REC114: variants seen among roughly 807,000 people sequenced by gnomAD.
REC114 encodes the protein meiotic recombination protein REC114.
A neutral mutation model predicts 31.3 loss-of-function variants in REC114; 27 were observed. That is an observed-to-expected ratio of 0.86 (90% CI 0.64 to 1.19). The LOEUF (loss-of-function observed/expected upper bound fraction) is 1.19, where lower values mean the gene tolerates loss of function less well. REC114 is among the 50% of genes most tolerant of loss of function. The pLI, the probability that REC114 is intolerant of heterozygous loss-of-function variation, is 0.00. For synonymous variants in REC114, 134 were observed against 127.7 expected (o/e 1.05, Z -0.33); for missense variants, 344 against 326.9 (o/e 1.05, Z -0.40).
At position 73,453,397 on chromosome 15, in the gene REC114, T is replaced by C. The variant is rs190278883; in HGVS notation, c.159+10053T>C. Among the ~76,000 whole-genome samples, 5 of 152,284 alleles carry C rather than the reference T, an allele frequency of 3.3e-5. No homozygotes were observed. The East Asian group carries it at 9.7e-4, about 29-fold the overall frequency. On this transcript the variant is annotated intron_variant, in intron 1 of 5. Coordinates refer to ENST00000331090, the MANE Select transcript of REC114 (RefSeq NM_001042367.2). ...TCGTCATCACTGGTCATTAGAGCAA[T>C]GCAAATGAAAACCACAATGAGATAC...
intron 1 of REC114, among the ~76,000 whole-genome samples, chr15:73,444,369 CA>C (rs1335743122): frequency 6.6e-6 from 1 of 152,218 alleles, no homozygotes. Flanking sequence ...GCTGCTTTAT[CA>C]ACTAAGTTTA....
chr15:73,476,215 A>G (rs1893212618), intron 2 of REC114, among the ~76,000 whole-genome samples: 2 of 152,196 alleles, frequency 1.3e-5, no homozygotes, highest in Non-Finnish European at 2.9e-5. Flanking sequence ...AATTTGTTTA[A>G]TCTTTTTTAA....
intron 2 of REC114, among the ~76,000 whole-genome samples, 189 bp from the exon 3 acceptor site, chr15:73,540,296 G>T (rs1894220591): frequency 6.6e-6 from 1 of 152,154 alleles, no homozygotes; most frequent in Non-Finnish European, 1.5e-5. Flanking sequence ...CCTCATGCAG[G>T]AAAAGCACCA....
At chr15:73,445,403 A>G (rs940869986) in intron 1 of REC114, among the ~76,000 whole-genome samples, 5 of 152,232 alleles carry the variant, frequency 3.3e-5, no homozygotes, top group African/African-American at 1.2e-4. Context: ...TTCAGCAATA[A>G]GGCTATTCCA....
intron 1 of REC114, among the ~76,000 whole-genome samples, chr15:73,449,318 T>C (rs1394875409): frequency 6.6e-6 from 1 of 152,054 alleles, no homozygotes; most frequent in Non-Finnish European, 1.5e-5. Flanking sequence ...CTGATGGAGC[T>C]GAAAAACACA....
chr15:73,536,897 C>T (rs1894163438), intron 2 of REC114, among the ~76,000 whole-genome samples: 2 of 152,086 alleles, frequency 1.3e-5, no homozygotes, highest in Admixed American at 6.6e-5. Flanking sequence ...ATTTTAGATT[C>T]AGGGGTACAT....
chr15:73,530,390 G>A (rs1488690465), intron 2 of REC114, among the ~76,000 whole-genome samples: 1 of 152,170 alleles, frequency 6.6e-6, no homozygotes, highest in Non-Finnish European at 1.5e-5. Flanking sequence ...GCCTGGGTGT[G>A]GTGGCTTATG....
At chr15:73,514,399 G>A (rs951201811) in intron 2 of REC114, among the ~76,000 whole-genome samples, 2 of 151,822 alleles carry the variant, frequency 1.3e-5, no homozygotes, top group Non-Finnish European at 2.9e-5. Context: ...GAAATCACCC[G>A]TCTTCTGCGT....
intron 4 of REC114, among the ~76,000 whole-genome samples, chr15:73,556,080 A>G (rs1354701323): frequency 6.6e-6 from 1 of 152,198 alleles, no homozygotes; most frequent in Admixed American, 6.5e-5. Context: ...AGGAACATCA[A>G]ATAGAGGTCA....
intron 2 of REC114, among the ~76,000 whole-genome samples, chr15:73,526,118 CAT>C (rs893944785): frequency 2.0e-5 from 3 of 152,156 alleles, no homozygotes; most frequent in Non-Finnish European, 4.4e-5. Context: ...TGACCTGACA[CAT>C]GTTTGTCTGA....
In REC114 at chr15:73,462,884, C is replaced by CAAAAAAAAA. The variant is rs769569268; in HGVS notation, c.160-10933_160-10925dup. Among the ~76,000 whole-genome samples the CAAAAAAAAA allele has an allele frequency of 4.0e-3, 220 of 55,646 alleles. 14 individuals are homozygous for CAAAAAAAAA. Among genetic ancestry groups the CAAAAAAAAA allele is most frequent in the African/African-American group, 0.015 (211 of 14,180 alleles). 36.5% of individuals were successfully genotyped at this position (55,646 alleles called of 152,430 possible). ...TGGGCAACAGAGTGAGACTCCGTCT[C>CAAAAAAAAA]AAAAAAAAAAAAAAAAAAAAAAATT... is the stretch of plus-strand genomic sequence containing the variant. On this transcript the variant is annotated intron_variant, in intron 1 of 5. Transcript: ENST00000331090.
At chr15:73,502,807 T>G (rs567082948) in intron 2 of REC114, among the ~76,000 whole-genome samples, 407 of 152,326 alleles carry the variant, frequency 2.7e-3, no homozygotes, top group Non-Finnish European at 4.2e-3. Context: ...AAATTTTATG[T>G]TGATTTTATG....
rs559280405 is a variant in REC114 at position 73,523,813 on chromosome 15, A to G, written c.250-16672A>G. Among the ~76,000 whole-genome samples, 32 of 152,296 alleles carry G rather than the reference A, an allele frequency of 2.1e-4. 1 individual carries two copies. Among genetic ancestry groups the G allele is most frequent in the South Asian group, 1.0e-3 (5 of 4,824 alleles). ...CTATGTTTTATTTTAGAAATTTTAT[A>G]GTTTCAGCTAGTACATTTAGGTCTA... On this transcript the variant is annotated intron_variant, in intron 2 of 5. Transcript: ENST00000331090.
At chr15:73,514,429 A>G (rs899546911) in intron 2 of REC114, among the ~76,000 whole-genome samples, 1 of 152,088 alleles carries the variant, frequency 6.6e-6, no homozygotes, top group East Asian at 1.9e-4. Flanking sequence ...TGGGAGCTGT[A>G]GACCGGAGCT....
chr15:73,472,806 T>C (rs1208563578), intron 1 of REC114, among the ~76,000 whole-genome samples: 1 of 152,108 alleles, frequency 6.6e-6, no homozygotes, highest in Non-Finnish European at 1.5e-5. Context: ...AGATAAAATA[T>C]AATGGGGCTA....
chr15:73,481,578 T>G (rs888562922), intron 2 of REC114, among the ~76,000 whole-genome samples: 4 of 151,952 alleles, frequency 2.6e-5, no homozygotes, highest in African/African-American at 7.3e-5. Context: ...CCTTGGCCGT[T>G]TTGGGTTTCA....
At chr15:73,503,918 A>G (rs1207433813) in intron 2 of REC114, among the ~76,000 whole-genome samples, 3 of 150,666 alleles carry the variant, frequency 2.0e-5, no homozygotes, top group South Asian at 4.2e-4. Flanking sequence ...TTTGTTGTAT[A>G]TAAGTTTTAA....
In REC114 at chr15:73,559,909, G is replaced by T. The variant is rs753641354; in HGVS notation, c.794G>T (p.Arg265Ile). The change falls in exon 6 of 6, where the codon AGA becomes ATA. Residue 265 changes from arginine (R) to isoleucine (I), a missense_variant. Coordinates refer to ENST00000331090, the MANE Select transcript of REC114 (RefSeq NM_001042367.2). ...GAACTGAAAAAGCTGGCGGGTTTGAGAAATTAATGCTCTATATACATATAT... is the reference window on the plus strand; with the variant it reads ...GAACTGAAAAAGCTGGCGGGTTTGATAAATTAATGCTCTATATACATATAT... The part of the protein sequence containing the change: ...EKELKKLAGL[R>I]N The T allele has an allele frequency of 1.9e-6, 3 of 1,610,714 alleles. No individual in the cohort carries two copies. The Admixed American group carries it at 5.1e-5, about 27-fold the overall frequency.
At chr15:73,491,575 T>C (rs1482842219) in intron 2 of REC114, among the ~76,000 whole-genome samples, 3 of 152,158 alleles carry the variant, frequency 2.0e-5, no homozygotes, top group African/African-American at 7.2e-5. Flanking sequence ...AGAAGTAACT[T>C]CAAAAGAAAC....
Sources: allele counts gnomAD v4.1 joint callset (sites outside exome capture counted in the v4.1 genomes callset), GRCh38; gene constraint gnomAD v4.1.1; transcripts MANE v1.5; gene names NCBI Gene and HGNC (gene_info 2026-07-23, HGNC 2026-07-21).